Variants in CLCN5 observed in about 807,000 individuals in gnomAD.
CLCN5 encodes the protein H(+)/Cl(-) exchange transporter 5.
In CLCN5, 17 loss-of-function variants were observed where a neutral mutation model predicts 54.0. That is an observed-to-expected ratio of 0.31 (90% confidence interval 0.22 to 0.47). The LOEUF (loss-of-function observed/expected upper bound fraction) is 0.47. Ranked by LOEUF, CLCN5 falls within the 20% of genes least tolerant of loss-of-function variation. The pLI is 1.00. For synonymous variants in CLCN5, 222 were observed against 233.0 expected (o/e 0.95, Z 0.43); for missense variants, 448 against 646.7 (o/e 0.69, Z 3.33).
chrX:50,060,396 G>T (rs1344768568), intron 4 of CLCN5, among the ~76,000 whole-genome samples: 2 of 108,829 alleles, frequency 1.8e-5, no homozygotes, highest in Non-Finnish European at 3.8e-5. Flanking sequence ...AAGGGGTGAC[G>T]GACGCACCTG....
chrX:49,964,840 C>T (rs1283709328), intron 3 of CLCN5, among the ~76,000 whole-genome samples: 2 of 111,071 alleles, frequency 1.8e-5, no homozygotes, highest in Admixed American at 1.9e-4. Context: ...TCACACTGTT[C>T]AGTTCCACAA....
At chrX:50,015,748 C>T (rs1930758167) in intron 3 of CLCN5, among the ~76,000 whole-genome samples, 1 of 110,531 alleles carries the variant, frequency 9.0e-6, no homozygotes, top group Non-Finnish European at 1.9e-5. Context: ...TCTATTCATT[C>T]CTCCCCATCT....
chrX:50,063,087 CAATT>C (rs1162918512), intron 4 of CLCN5, among the ~76,000 whole-genome samples: 4 of 107,145 alleles, frequency 3.7e-5, no homozygotes, highest in Non-Finnish European at 7.7e-5. Flanking sequence ...CCTAACATCA[CAATT>C]AAAAGAACTA....
chrX:50,080,751 A>G (rs1557192996), intron 8 of CLCN5, 35 bp downstream of exon 8: 2 of 1,125,436 alleles, frequency 1.8e-6, no homozygotes, highest in South Asian at 1.8e-5. Context: ...AATGGTTACA[A>G]TATGAATACT....
chrX:50,098,668 T>A lies in CLCN5; in HGVS notation c.*6449T>A, dbSNP rs901550756. 5 of 113,057 alleles carry A rather than the reference T, an allele frequency of 4.4e-5. No individual in the cohort carries two copies. The highest frequency in any genetic ancestry group is 7.5e-5 in the Non-Finnish European group (4 of 53,372). 9.3% of individuals were successfully genotyped at this position (113,057 alleles called of 1,213,427 possible). A position where few individuals can be genotyped will look rare whatever the true frequency, so the allele number is the denominator to read the frequency against. On this transcript the variant is annotated 3_prime_UTR_variant, in exon 15 of 15. Coordinates refer to ENST00000376091, the MANE Select transcript of CLCN5 (RefSeq NM_001127898.4). ...AACCAAAGCTAATAGAGCCCAAGTTTCCGCAGGAAGTTTGGTGCTGAGCTG... is the reference window on the plus strand; with the variant it reads ...AACCAAAGCTAATAGAGCCCAAGTTACCGCAGGAAGTTTGGTGCTGAGCTG...
At chrX:50,023,130 A>C (rs1474553646) in intron 3 of CLCN5, among the ~76,000 whole-genome samples, 1 of 95,895 alleles carries the variant, frequency 1.0e-5, no homozygotes, top group South Asian at 4.5e-4. Flanking sequence ...TTTGTAGGTC[A>C]CTCAGGACTT....
chrX:49,953,739 A>C (rs1339818421), intron 3 of CLCN5, among the ~76,000 whole-genome samples: 3 of 112,197 alleles, frequency 2.7e-5, no homozygotes, highest in Non-Finnish European at 3.8e-5. Flanking sequence ...CTCATACTTA[A>C]ATCTTTCTGT....
chrX:49,984,775 C>G (rs1928916192), intron 3 of CLCN5, among the ~76,000 whole-genome samples: 1 of 109,968 alleles, frequency 9.1e-6, no homozygotes, highest in Non-Finnish European at 1.9e-5. Context: ...CCACCACACT[C>G]AACTATTTAA....
intron 3 of CLCN5, chrX:50,003,126 G>T: frequency 2.6e-6 from 1 of 381,421 alleles, no homozygotes. Flanking sequence ...CATGCACACA[G>T]TATACAGGAG....
chrX:50,021,367 G>T (rs1326602897), intron 3 of CLCN5, among the ~76,000 whole-genome samples: 5 of 20,912 alleles, frequency 2.4e-4, no homozygotes, highest in Non-Finnish European at 2.7e-4. Context: ...AGCTTAAGGA[G>T]ATTTTGGGCT....
intron 3 of CLCN5, among the ~76,000 whole-genome samples, chrX:50,033,830 G>T (rs1489731937): frequency 1.8e-5 from 2 of 111,289 alleles, no homozygotes; most frequent in African/African-American, 6.5e-5. Flanking sequence ...GCTCTTTAAG[G>T]GTCCTCAGTA....
Position 50,088,847 on chromosome X carries a change from C to T in CLCN5, c.1707C>T (p.Pro569=), listed in dbSNP as rs781797755. Residue 569 remains proline, a synonymous_variant, in exon 12 of 15, where the codon CCC becomes CCT. Coordinates refer to ENST00000376091, the MANE Select transcript of CLCN5 (RefSeq NM_001127898.4). ...WCSQGADCIT[P]GLYAMVGAAA... is the part of the protein sequence containing the mutation. ...GTCAGGGAGCTGATTGCATCACCCC[C>T]GGCCTTTATGCAATGGTTGGGGCTG... The T allele has an allele frequency of 9.9e-6, 12 of 1,209,581 alleles. No individual in the cohort carries two copies. Among genetic ancestry groups the T allele is most frequent in the Admixed American group, 4.4e-5 (2 of 45,718 alleles).
intron 3 of CLCN5, among the ~76,000 whole-genome samples, chrX:49,970,520 G>A (rs1928154796): frequency 9.0e-6 from 1 of 111,407 alleles, no homozygotes; most frequent in South Asian, 3.8e-4. Context: ...CATACAGTAT[G>A]TGGTCTCCGC....
intron 5 of CLCN5, among the ~76,000 whole-genome samples, chrX:50,072,100 T>G (rs1236187892): frequency 8.9e-6 from 1 of 112,234 alleles, no homozygotes; most frequent in Non-Finnish European, 1.9e-5. Context: ...TGTACTTTTA[T>G]CACTCAAATA....
intron 3 of CLCN5, chrX:50,008,458 G>C (rs1557181900): frequency 2.8e-6 from 1 of 352,094 alleles, no homozygotes; most frequent in Non-Finnish European, 5.8e-6. Flanking sequence ...CTTGCTACCT[G>C]GGTGAGAGTG....
chrX:49,946,730 G>C (rs781872438), intron 3 of CLCN5, among the ~76,000 whole-genome samples: 1 of 111,766 alleles, frequency 8.9e-6, no homozygotes, highest in East Asian at 2.8e-4. Context: ...AATACCAGGA[G>C]GTGGGCGTCA....
intron 3 of CLCN5, among the ~76,000 whole-genome samples, chrX:50,040,859 G>T (rs1932190298): frequency 9.0e-6 from 1 of 111,681 alleles, no homozygotes; most frequent in African/African-American, 3.3e-5. Context: ...CTTCGGTCAA[G>T]CTGGTCTCTT....
intron 5 of CLCN5, among the ~76,000 whole-genome samples, chrX:50,070,671 A>G (rs1349231499): frequency 3.6e-5 from 4 of 112,028 alleles, no homozygotes; most frequent in African/African-American, 1.3e-4. Flanking sequence ...AAACCACAAG[A>G]CCAGTTAAAT....
At chrX:49,983,906 T>C (rs1557177992) in intron 3 of CLCN5, among the ~76,000 whole-genome samples, 1 of 110,443 alleles carries the variant, frequency 9.1e-6, no homozygotes, top group African/African-American at 3.3e-5. Context: ...TAATTACTTA[T>C]ATATTGTGCA....
Sources: allele counts gnomAD v4.1 joint callset (sites outside exome capture counted in the v4.1 genomes callset), GRCh38; gene constraint gnomAD v4.1.1; transcripts MANE v1.5; gene names NCBI Gene and HGNC (gene_info 2026-07-23, HGNC 2026-07-21).